The following ERAP2 variants were observed in gnomAD, a reference collection of about 807,000 sequenced individuals.
ERAP2 encodes the protein leukocyte-derived arginine aminopeptidase.
A neutral mutation model predicts 111.1 loss-of-function variants in ERAP2; 118 were observed. The ratio of observed to expected loss-of-function variants is 1.06; its 90% CI spans 0.92 to 1.24. The LOEUF is 1.24. ERAP2 is among the 50% of genes most tolerant of loss of function. The pLI is 0.00. For synonymous variants in ERAP2, 410 were observed against 401.2 expected (o/e 1.02, Z -0.26); for missense variants, 1,131 against 1,125.8 (o/e 1.00, Z -0.07).
chr5:96,915,655 A>G (rs367870062), intron 17 of ERAP2, 33 bp from the exon 18 acceptor site: 38 of 1,349,896 alleles, frequency 2.8e-5, no homozygotes, highest in Non-Finnish European at 3.6e-5. Context: ...CAGTATTTCT[A>G]TGACTTTCTA....
At chr5:96,910,416 T>C (rs1786594952) in intron 15 of ERAP2, 1 of 152,092 alleles carries the variant, frequency 6.6e-6, no homozygotes, top group African/African-American at 2.4e-5. Context: ...TTTGGACTTT[T>C]TTTCCTTGTT....
chr5:96,898,781 T>C (rs544533554), intron 9 of ERAP2, among the ~76,000 whole-genome samples: 2 of 152,034 alleles, frequency 1.3e-5, no homozygotes, highest in Admixed American at 6.6e-5. Flanking sequence ...CATATAAAGA[T>C]GCTCTTTACT....
In ERAP2 at chr5:96,886,666, T is replaced by G; in HGVS notation, c.726T>G (p.Ile242Met). The change falls in exon 4 of 19, where the codon ATT becomes ATG. Residue 242 changes from isoleucine (I) to methionine (M), a missense_variant. Transcript: ENST00000437043. The stretch of plus-strand genomic sequence containing the variant: ...TTTCCTTTCTGTAGGTTAAGACAAT[T>G]GAACTTGAAGGAGGTCTTTTGGAAG... ...ALSNMPKVKT[I>M]ELEGGLLEDH... The G allele has an allele frequency of 6.5e-7, 1 of 1,536,134 alleles. No homozygotes were observed. Among genetic ancestry groups the G allele is most frequent in the East Asian group, 2.3e-5 (1 of 43,326 alleles).
chr5:96,901,508 C>T lies in ERAP2; in HGVS notation c.1575C>T (p.Leu525=), dbSNP rs148654710. 10 of 1,612,760 alleles carry T rather than the reference C, an allele frequency of 6.2e-6. No individual in the cohort carries two copies. Among genetic ancestry groups the T allele is most frequent in the South Asian group, 4.4e-5 (4 of 90,924 alleles). ...ATCATAGTCACCTGTCATTTCAGCT[C>T]GCCTTTCTGGGGGAAAATGCAGAGG... ...HSDPKMTSNM[L]AFLGENAEVK... is the part of the protein sequence containing the mutation. The change falls in exon 11 of 19, where the codon CTC becomes CTT. Residue 525 remains leucine (L), a splice_region_variant and synonymous_variant. Coordinates refer to ENST00000437043, the MANE Select transcript of ERAP2 (RefSeq NM_022350.5).
chr5:96,903,680 A>G, intron 13 of ERAP2, 120 bp downstream of exon 13: 1 of 932,302 alleles, frequency 1.1e-6, no homozygotes, highest in South Asian at 2.0e-5. Flanking sequence ...AATGGAATTC[A>G]AACAGTGATC....
chr5:96,915,651 T>A (rs1258782310), intron 17 of ERAP2, 37 bp from the exon 18 acceptor site: 1 of 1,302,746 alleles, frequency 7.7e-7, no homozygotes, highest in Non-Finnish European at 1.1e-6. Context: ...AGGTCAGTAT[T>A]TCTATGACTT....
At chr5:96,905,062 G>A (rs2112287866) in intron 13 of ERAP2, among the ~76,000 whole-genome samples, 1 of 152,210 alleles carries the variant, frequency 6.6e-6, no homozygotes, top group Middle Eastern at 3.4e-3. Flanking sequence ...AAGGTTTGGA[G>A]GATTGCATAG....
chr5:96,898,088 C>T (rs981093898), intron 9 of ERAP2, among the ~76,000 whole-genome samples: 1 of 151,998 alleles, frequency 6.6e-6, no homozygotes, highest in Non-Finnish European at 1.5e-5. Context: ...CCCAGCTATT[C>T]GTGAGGCTAA....
chr5:96,915,845 T>G, intron 18 of ERAP2, 76 bp downstream of exon 18: 4 of 1,279,892 alleles, frequency 3.1e-6, no homozygotes, highest in Non-Finnish European at 4.4e-6. Context: ...TTAGATATAA[T>G]CTGATTTGAA....
At chr5:96,891,489 G>A (rs1261027106) in intron 5 of ERAP2, among the ~76,000 whole-genome samples, 1 of 94,562 alleles carries the variant, frequency 1.1e-5, no homozygotes, top group Non-Finnish European at 2.1e-5. Flanking sequence ...ATATATGTGT[G>A]TGTGTGTGTG....
intron 1 of ERAP2, among the ~76,000 whole-genome samples, chr5:96,879,312 C>T (rs951895823): frequency 2.0e-5 from 3 of 152,298 alleles, no homozygotes; most frequent in Middle Eastern, 3.4e-3. Context: ...GCCTTCTGCT[C>T]GCTGCACAAG....
At chr5:96,893,489 A>G (rs1784580183) in intron 6 of ERAP2, among the ~76,000 whole-genome samples, 1 of 152,152 alleles carries the variant, frequency 6.6e-6, no homozygotes, top group Non-Finnish European at 1.5e-5. Context: ...CCACTGGCGC[A>G]TTTTAGGTGT....
intron 5 of ERAP2, among the ~76,000 whole-genome samples, chr5:96,889,825 AATAC>A (rs1784143757): frequency 9.3e-6 from 1 of 107,470 alleles, no homozygotes; most frequent in Admixed American, 1.1e-4. Flanking sequence ...TCCATTAAAA[AATAC>A]ATACACACAC....
At chr5:96,900,080 T>C (rs1447848771) in intron 9 of ERAP2, 41 bp from the exon 10 acceptor site, 1 of 1,612,366 alleles carries the variant, frequency 6.2e-7, no homozygotes, top group Non-Finnish European at 8.5e-7. Flanking sequence ...AGCCAACTAA[T>C]GATGCCTACA....
At chr5:96,907,652 C>A (rs146239971) in intron 13 of ERAP2, among the ~76,000 whole-genome samples, 1 of 151,346 alleles carries the variant, frequency 6.6e-6, no homozygotes, top group Non-Finnish European at 1.5e-5. Flanking sequence ...GAGGCCGAGG[C>A]GGGTGGATCA....
At chr5:96,912,012 AC>A (rs1344344479) in intron 15 of ERAP2, among the ~76,000 whole-genome samples, 1 of 150,832 alleles carries the variant, frequency 6.6e-6, no homozygotes, top group African/African-American at 2.4e-5. Context: ...ACACGGTGTA[AC>A]CCCGTCTCTA....
At chr5:96,915,562 C>T (rs1484215083) in intron 17 of ERAP2, 126 bp from the exon 18 acceptor site, 9 of 444,486 alleles carry the variant, frequency 2.0e-5, no homozygotes, top group Non-Finnish European at 3.1e-5. Flanking sequence ...GGTAATTCAC[C>T]GTATCTATTG....
At chr5:96,883,398 C>A (rs967526466) in intron 2 of ERAP2, among the ~76,000 whole-genome samples, 1 of 152,200 alleles carries the variant, frequency 6.6e-6, no homozygotes, top group African/African-American at 2.4e-5. Context: ...CTATCTGAGG[C>A]CCTTTCAGGT....
At position 96,879,667 on chromosome 5, in the gene ERAP2, CT is replaced by C; in HGVS notation, c.-17del. On this transcript the variant is annotated 5_prime_UTR_variant, in exon 2 of 19. The change abolishes the stop of an existing upstream ORF in the 5' untranslated region. Coordinates refer to ENST00000437043, the MANE Select transcript of ERAP2 (RefSeq NM_022350.5). ...GAGATTAGCCTGGATATTAACTTGT[CT>C]TCTAGAGAATAGATTTCATGTTCCA... 6.2e-7 allele frequency: 1 copy of C among 1,604,844 alleles called. No individual in the cohort carries two copies. The highest frequency in any genetic ancestry group is 1.1e-5 in the South Asian group (1 of 90,698).
Sources: allele counts gnomAD v4.1 joint callset (sites outside exome capture counted in the v4.1 genomes callset), GRCh38; gene constraint gnomAD v4.1.1; transcripts MANE v1.5; gene names NCBI Gene and HGNC (gene_info 2026-07-23, HGNC 2026-07-21).